The following PSEN1 variants were observed in gnomAD, a reference collection of about 807,000 sequenced individuals.
PSEN1 encodes presenilin-1.
In PSEN1, 15 loss-of-function variants were observed where a neutral mutation model predicts 53.5. The observed-to-expected ratio is 0.28, with a 90% confidence interval of 0.19 to 0.43. PSEN1 has a LOEUF of 0.43. PSEN1 is among the 20% of genes least tolerant of loss of function. The pLI is 1.00. For synonymous variants in PSEN1, 208 were observed against 209.8 expected (o/e 0.99, Z 0.08); for missense variants, 387 against 571.2 (o/e 0.68, Z 3.29).
Position 73,147,990 on chromosome 14 carries a change from G to A in PSEN1, c.-30G>A, listed in dbSNP as rs773871073. 3 of 1,568,176 alleles carry A rather than the reference G, an allele frequency of 1.9e-6. No individual in the cohort carries two copies. The South Asian group carries it at 3.3e-5, about 17-fold the overall frequency. On this transcript the variant is annotated 5_prime_UTR_variant, in exon 3 of 12. In the 5' UTR this introduces an upstream ATG that the reference lacks. Transcript: ENST00000324501. Reference sequence around the variant, plus strand: ...AGAACCTCAAGAGGCTTTGTTTTCTGTGAAACAGTATTTCTATACAGTTGC... The same window carrying A: ...AGAACCTCAAGAGGCTTTGTTTTCTATGAAACAGTATTTCTATACAGTTGC...
At chr14:73,217,340 G>A in intron 11 of PSEN1, 96 bp downstream of exon 11, 2 of 1,433,834 alleles carry the variant, frequency 1.4e-6, no homozygotes, top group Non-Finnish European at 2.0e-6. Context: ...CCCCAGGTGG[G>A]TTAAATATTC....
At chr14:73,184,175 C>T (rs1595018614) in intron 5 of PSEN1, among the ~76,000 whole-genome samples, 2 of 108,316 alleles carry the variant, frequency 1.8e-5, no homozygotes, top group Admixed American at 8.1e-5. Flanking sequence ...ACCTCCCTCC[C>T]GGACGGGGCG....
chr14:73,211,758 T>G lies in PSEN1; in HGVS notation c.956-11T>G, dbSNP rs200531506. On this transcript the variant is annotated splice_polypyrimidine_tract_variant and intron_variant, in intron 9 of 11. Transcript: ENST00000324501. ...AAATATTAGAGCTGTAACTTCCACT[T>G]TCTCTTGAAGGCACAGAAAGGGAGT... 6.2e-7 allele frequency: 1 copy of G among 1,613,880 alleles called. No homozygotes were observed. Among genetic ancestry groups the G allele is most frequent in the Non-Finnish European group, 8.5e-7 (1 of 1,179,840 alleles).
intron 3 of PSEN1, among the ~76,000 whole-genome samples, chr14:73,154,398 G>A (rs1897303202): frequency 6.6e-6 from 1 of 151,340 alleles, no homozygotes; most frequent in Non-Finnish European, 1.5e-5. Flanking sequence ...AGGAGTTTGA[G>A]ACTAGCTTGG....
chr14:73,194,395 T>G (rs561770478), intron 7 of PSEN1, among the ~76,000 whole-genome samples: 1 of 152,138 alleles, frequency 6.6e-6, no homozygotes, highest in South Asian at 2.1e-4. Context: ...TAGATAGAAC[T>G]ACAGGCATGC....
Position 73,219,435 on chromosome 14 carries a change from C to A in PSEN1, c.*146C>A. 1.1e-6 allele frequency: 1 copy of A among 893,170 alleles called. No homozygotes were observed. The highest frequency in any genetic ancestry group is 1.8e-6 in the Non-Finnish European group (1 of 548,762). The allele number at this position is 893,170 out of a possible 1,614,324, so 55.3% of individuals were successfully genotyped here. A position where few individuals can be genotyped will look rare whatever the true frequency, so the allele number is the denominator to read the frequency against. On this transcript the variant is annotated 3_prime_UTR_variant, in exon 12 of 12. Coordinates refer to ENST00000324501, the MANE Select transcript of PSEN1 (RefSeq NM_000021.4). Reference sequence around the variant, plus strand: ...GCAGCTTCCTTCCAAGTCTTCCTGACCACCTTGCACTATTGGACTTTGGAA... The same window carrying A: ...GCAGCTTCCTTCCAAGTCTTCCTGAACACCTTGCACTATTGGACTTTGGAA...
At chr14:73,153,488 A>G (rs1414898905) in intron 3 of PSEN1, among the ~76,000 whole-genome samples, 1 of 152,194 alleles carries the variant, frequency 6.6e-6, no homozygotes, top group African/African-American at 2.4e-5. Context: ...TCAGATGCTG[A>G]ATGGAATTAT....
At chr14:73,185,972 C>T (rs577398268) in intron 5 of PSEN1, among the ~76,000 whole-genome samples, 2 of 152,268 alleles carry the variant, frequency 1.3e-5, no homozygotes, top group South Asian at 4.1e-4. Flanking sequence ...TATGGGTGTT[C>T]ACTGTAAAAT....
chr14:73,198,225 T>C (rs1442354066), intron 8 of PSEN1, 96 bp downstream of exon 8: 15 of 757,096 alleles, frequency 2.0e-5, no homozygotes, highest in Non-Finnish European at 3.0e-5. Flanking sequence ...GTACTTGTTC[T>C]CATCTTAAAT....
intron 5 of PSEN1, among the ~76,000 whole-genome samples, chr14:73,184,809 C>G (rs1241874473): frequency 0.11 from 8,677 of 76,698 alleles, no homozygotes; most frequent in Middle Eastern, 0.15. Flanking sequence ...ACTTCCCAGA[C>G]GGGGCGGCTG....
chr14:73,151,153 A>G (rs1400669645), intron 3 of PSEN1, among the ~76,000 whole-genome samples: 1 of 152,236 alleles, frequency 6.6e-6, no homozygotes, highest in Admixed American at 6.5e-5. Context: ...ATGTTGCAAA[A>G]GAGACATTCC....
At chr14:73,142,581 TGA>T (rs1206365036) in intron 1 of PSEN1, among the ~76,000 whole-genome samples, 1 of 152,244 alleles carries the variant, frequency 6.6e-6, no homozygotes, top group Non-Finnish European at 1.5e-5. Flanking sequence ...TGGGATGTAG[TGA>T]GAGAAGAAAA....
chr14:73,191,548 T>C (rs1003609936), intron 6 of PSEN1, among the ~76,000 whole-genome samples: 5 of 152,010 alleles, frequency 3.3e-5, no homozygotes, highest in South Asian at 4.1e-4. Flanking sequence ...ATATATTTTT[T>C]TTTTCTTTTC....
At position 73,143,968 on chromosome 14, in the gene PSEN1, C is replaced by CA. The variant is rs1441981134; in HGVS notation, c.-135-3826dup. ...TGCCACTGTACTCCAGCCTGGGTGA[C>CA]AGAGTGAGACCTTGTCTCTTAAAAA... On this transcript the variant is annotated intron_variant, in intron 1 of 11. Transcript: ENST00000324501. Among the ~76,000 whole-genome samples, 18 of 109,670 alleles carry CA rather than the reference C, an allele frequency of 1.6e-4. No homozygotes were observed. In the Admixed American group the frequency reaches 2.5e-3, roughly 15 times the overall value. The allele number at this position is 109,670 out of a possible 152,430, so 71.9% of individuals were successfully genotyped here.
At chr14:73,215,537 C>A in intron 10 of PSEN1, among the ~76,000 whole-genome samples, 1 of 146,794 alleles carries the variant, frequency 6.8e-6, no homozygotes, top group African/African-American at 2.6e-5. Context: ...GAGCCGAGAT[C>A]ACTTAAAAAA....
At chr14:73,175,009 AT>A (rs1898003846) in intron 5 of PSEN1, among the ~76,000 whole-genome samples, 1 of 152,132 alleles carries the variant, frequency 6.6e-6, no homozygotes, top group Admixed American at 6.5e-5. Context: ...TTTTAAGGTC[AT>A]TTTCAAATAA....
At position 73,219,470 on chromosome 14, in the gene PSEN1, T is replaced by C; in HGVS notation, c.*181T>C. Reference sequence around the variant, plus strand: ...CTATTGGACTTTGGAAGGAGGTGCCTATAGAAAACGATTTTGAACATACTT... The same window carrying C: ...CTATTGGACTTTGGAAGGAGGTGCCCATAGAAAACGATTTTGAACATACTT... On this transcript the variant is annotated 3_prime_UTR_variant, in exon 12 of 12. Coordinates refer to ENST00000324501, the MANE Select transcript of PSEN1 (RefSeq NM_000021.4). 2 of 682,654 alleles carry C rather than the reference T, an allele frequency of 2.9e-6. No individual in the cohort carries two copies. Among genetic ancestry groups the C allele is most frequent in the Non-Finnish European group, 2.6e-6 (1 of 391,240 alleles). The allele number at this position is 682,654 out of a possible 1,614,324, so 42.3% of individuals were successfully genotyped here. A position where few individuals can be genotyped will look rare whatever the true frequency, so the allele number is the denominator to read the frequency against.
At chr14:73,219,101 T>C in intron 11 of PSEN1, 33 bp from the exon 12 acceptor site, 2 of 1,609,060 alleles carry the variant, frequency 1.2e-6, no homozygotes, top group Non-Finnish European at 1.7e-6. Context: ...CATAATTATG[T>C]GTGAATGTGT....
intron 8 of PSEN1, among the ~76,000 whole-genome samples, chr14:73,205,002 T>G (rs1309518257): frequency 1.3e-5 from 2 of 152,226 alleles, no homozygotes; most frequent in Admixed American, 1.3e-4. Flanking sequence ...TTTTGATCAT[T>G]TGGTTGGGTT....
Sources: gnomAD v4.1 joint callset for allele counts (sites outside exome capture counted in the v4.1 genomes callset) on GRCh38, gnomAD v4.1.1 for gene constraint, MANE v1.5 for transcripts, NCBI Gene and HGNC (gene_info 2026-07-23, HGNC 2026-07-21) for gene names.